The following PCDH9 variants were observed in gnomAD, a reference collection of about 807,000 sequenced individuals.
The protein encoded by PCDH9 is protocadherin 9, also known as protocadherin-9.
In PCDH9, 24 loss-of-function variants were observed where a neutral mutation model predicts 70.6. That is an observed-to-expected ratio of 0.34 (90% CI 0.25 to 0.48). The LOEUF (loss-of-function observed/expected upper bound fraction) is 0.48, where lower values mean the gene tolerates loss of function less well. Ranked by LOEUF, PCDH9 falls within the 20% of genes least tolerant of loss-of-function variation. PCDH9 has a pLI of 0.99. For synonymous variants in PCDH9, 562 were observed against 558.5 expected (o/e 1.01, Z -0.09); for missense variants, 1,281 against 1,503.6 (o/e 0.85, Z 2.45).
At chr13:66,448,667 A>T (rs878966671) in intron 4 of PCDH9, among the ~76,000 whole-genome samples, 1 of 152,208 alleles carries the variant, frequency 6.6e-6, no homozygotes, top group African/African-American at 2.4e-5. Flanking sequence ...ACAAAGGCAA[A>T]TTAGACCATA....
intron 4 of PCDH9, among the ~76,000 whole-genome samples, chr13:66,397,530 T>A (rs1957122395): frequency 6.7e-6 from 1 of 149,878 alleles, no homozygotes; most frequent in South Asian, 2.1e-4. Flanking sequence ...TATATGTATA[T>A]ATACACATAT....
At position 67,226,658 on chromosome 13, in the gene PCDH9, T is replaced by C; in HGVS notation, c.1783A>G (p.Thr595Ala). The C allele has an allele frequency of 6.2e-7, 1 of 1,614,028 alleles. No homozygotes were observed. Among genetic ancestry groups the C allele is most frequent in the Non-Finnish European group, 8.5e-7 (1 of 1,179,886 alleles). Reference sequence around the variant, plus strand: ...TCTCCAGCATCTGCATCTGTCACTGTGATTACCCCCACAGTACTATACTTT... The same window carrying C: ...TCTCCAGCATCTGCATCTGTCACTGCGATTACCCCCACAGTACTATACTTT... ...LPKYSTVGVI[T>A]VTDADAGENK... is the part of the protein sequence containing the mutation. The change falls in exon 2 of 5, where the codon ACA becomes GCA. Residue 595 changes from threonine (T) to alanine (A), a missense_variant. This residue lies in a region of PCDH9 where 798 missense variants were observed against 1,003.1 expected (regional missense o/e 0.80). Transcript: ENST00000377865. This position sits in a 1 kb window ranked among gnomAD's most constrained non-coding sequence, Gnocchi z 5.0.
intron 2 of PCDH9, among the ~76,000 whole-genome samples, chr13:67,163,236 A>C (rs1187215101): frequency 6.6e-6 from 1 of 152,230 alleles, no homozygotes; most frequent in African/African-American, 2.4e-5. Context: ...GTTCCCAATT[A>C]AAATTGCATA....
intron 3 of PCDH9, among the ~76,000 whole-genome samples, chr13:66,767,579 A>C (rs543521204): frequency 1.3e-5 from 2 of 152,160 alleles, no homozygotes; most frequent in East Asian, 3.9e-4. Context: ...AAACTTCTAA[A>C]AGTACATGGT....
At chr13:66,781,881 C>A in intron 3 of PCDH9, among the ~76,000 whole-genome samples, 1 of 8,700 alleles carries the variant, frequency 1.1e-4, no homozygotes, top group Admixed American at 2.9e-3. Flanking sequence ...GGCTACATCT[C>A]GGGCTCAATC....
chr13:66,961,114 T>A (rs12430712), intron 2 of PCDH9, among the ~76,000 whole-genome samples: 51 of 152,130 alleles, frequency 3.4e-4, no homozygotes, highest in East Asian at 1.4e-3. Context: ...GTCTATTTTT[T>A]AAAAAAAATA....
intron 2 of PCDH9, among the ~76,000 whole-genome samples, chr13:67,076,146 G>T (rs1270915701): frequency 2.0e-5 from 3 of 152,060 alleles, no homozygotes; most frequent in Non-Finnish European, 4.4e-5. Flanking sequence ...GAGGCGAAAG[G>T]CATGTTGAGC....
intron 2 of PCDH9, among the ~76,000 whole-genome samples, chr13:67,075,521 G>T (rs2085860985): frequency 1.3e-5 from 2 of 152,092 alleles, no homozygotes; most frequent in African/African-American, 4.8e-5. Flanking sequence ...TTCCTGGAGG[G>T]ACTGAGGAAT....
chr13:66,709,111 A>G (rs2078757568), intron 3 of PCDH9, among the ~76,000 whole-genome samples: 1 of 152,160 alleles, frequency 6.6e-6, no homozygotes. Context: ...ACGACTTGAC[A>G]ATTGATTTCC....
chr13:66,535,000 T>C (rs1960633864), intron 4 of PCDH9, among the ~76,000 whole-genome samples: 1 of 152,082 alleles, frequency 6.6e-6, no homozygotes, highest in South Asian at 2.1e-4. Flanking sequence ...CCCAAAGTAC[T>C]AAATGGCTCT....
rs570636505 is a variant in PCDH9, at chr13:66,788,824, T to C, written c.3138+114680A>G. Among the ~76,000 whole-genome samples, 6 of 152,146 alleles carry C rather than the reference T, an allele frequency of 3.9e-5. No homozygotes were observed. In the South Asian group the frequency reaches 1.2e-3, roughly 32 times the overall value. The stretch of plus-strand genomic sequence containing the variant: ...ATCCATCCCTGTTGTTTTTCCTATT[T>C]ATTCTTTCCTCTTTCCCAGCAACAC... On this transcript the variant is annotated intron_variant, in intron 3 of 4. Coordinates refer to ENST00000377865, the MANE Select transcript of PCDH9 (RefSeq NM_203487.3).
intron 4 of PCDH9, among the ~76,000 whole-genome samples, chr13:66,354,728 C>A (rs544885585): frequency 6.6e-6 from 1 of 151,402 alleles, no homozygotes; most frequent in Admixed American, 6.6e-5. Flanking sequence ...ATAAATATGC[C>A]CCTCCCTCTT....
intron 2 of PCDH9, among the ~76,000 whole-genome samples, chr13:67,039,501 G>C (rs968737048): frequency 3.3e-5 from 5 of 152,030 alleles, no homozygotes; most frequent in Non-Finnish European, 7.4e-5. Context: ...CCCAGCTTGG[G>C]GAGACAGATC....
At chr13:66,386,869 C>G (rs17081224) in intron 4 of PCDH9, among the ~76,000 whole-genome samples, 1 of 152,062 alleles carries the variant, frequency 6.6e-6, no homozygotes, top group Admixed American at 6.6e-5. Context: ...TATATGATGT[C>G]ATAGTTTCTC....
chr13:67,084,762 A>G (rs185892313), intron 2 of PCDH9, among the ~76,000 whole-genome samples: 56 of 151,340 alleles, frequency 3.7e-4, no homozygotes, highest in African/African-American at 1.3e-3. Context: ...AGGTCAAGAG[A>G]TCGAGACCAT....
intron 4 of PCDH9, among the ~76,000 whole-genome samples, chr13:66,533,339 T>C (rs9540795): frequency 0.24 from 35,867 of 152,024 alleles, 4,701 homozygotes; most frequent in South Asian, 0.34. Context: ...TTTTCTAGTC[T>C]CTCATATTAA....
intron 2 of PCDH9, chr13:67,219,555 C>T (rs148455179): frequency 1.3e-5 from 2 of 152,044 alleles, no homozygotes; most frequent in African/African-American, 2.4e-5. Flanking sequence ...TTATTACTTA[C>T]GAAAGAGTCT....
chr13:67,174,314 GATACATAC>G (rs75349589), intron 2 of PCDH9, among the ~76,000 whole-genome samples: 52 of 149,574 alleles, frequency 3.5e-4, no homozygotes, highest in East Asian at 5.9e-4. Flanking sequence ...TAGATAGATA[GATACATAC>G]ATACATACAT....
chr13:67,112,104 A>T (rs2086669678), intron 2 of PCDH9, among the ~76,000 whole-genome samples: 1 of 152,166 alleles, frequency 6.6e-6, no homozygotes, highest in Non-Finnish European at 1.5e-5. Flanking sequence ...GTTCCGACTG[A>T]CTTTCATTAG....
Sources: gnomAD v4.1 joint callset for allele counts (sites outside exome capture counted in the v4.1 genomes callset) on GRCh38, gnomAD v4.1.1 for gene constraint, gnomAD v4.1.1 regional missense constraint, Gnocchi (gnomAD v3.1) non-coding constraint, MANE v1.5 for transcripts, NCBI Gene and HGNC (gene_info 2026-07-23, HGNC 2026-07-21) for gene names.